The following ANKAR variants were observed in gnomAD, a reference collection of about 807,000 sequenced individuals.
The protein encoded by ANKAR is ankyrin and armadillo repeat-containing protein.
ANKAR carries 136 observed loss-of-function variants against 146.2 expected under a neutral mutation model. The ratio of observed to expected loss-of-function variants is 0.93; its 90% CI spans 0.81 to 1.07. The LOEUF is 1.07. ANKAR is among the 50% of genes least tolerant of loss of function. The pLI, the probability that ANKAR is intolerant of heterozygous loss-of-function variation, is 0.00. For synonymous variants in ANKAR, 500 were observed against 575.8 expected, an observed-to-expected ratio of 0.87 and a Z score of 1.88; for missense variants, 1,567 against 1,679.9, an observed-to-expected ratio of 0.93 and a Z score of 1.18.
intron 16 of ANKAR, among the ~76,000 whole-genome samples, chr2:189,731,531 G>C (rs1057232878): frequency 1.3e-5 from 2 of 151,546 alleles, no homozygotes. Flanking sequence ...GCATCACAAC[G>C]CTTGGCTAAT....
chr2:189,706,927 T>G lies in ANKAR; in HGVS notation c.1911-11T>G. Reference sequence around the variant, plus strand: ...TATGCGTGTTTAATTGTTATGTTTCTTAATTTTTAGGAATCAGTGCACTCC... The same window carrying G: ...TATGCGTGTTTAATTGTTATGTTTCGTAATTTTTAGGAATCAGTGCACTCC... On this transcript the variant is annotated splice_polypyrimidine_tract_variant and intron_variant, in intron 8 of 22. Coordinates refer to ENST00000684021, the MANE Select transcript of ANKAR (RefSeq NM_001378068.1). The G allele has an allele frequency of 1.3e-5, 20 of 1,593,898 alleles. No individual in the cohort carries two copies. Among genetic ancestry groups the G allele is most frequent in the Non-Finnish European group, 1.6e-5 (19 of 1,172,872 alleles).
chr2:189,732,788 T>G (rs964127956), intron 16 of ANKAR, among the ~76,000 whole-genome samples: 1 of 151,970 alleles, frequency 6.6e-6, no homozygotes, highest in Non-Finnish European at 1.5e-5. Flanking sequence ...TTTTTTAATA[T>G]GGAAGGGATA....
At chr2:189,693,683 G>A (rs2036767829) in intron 5 of ANKAR, among the ~76,000 whole-genome samples, 1 of 152,106 alleles carries the variant, frequency 6.6e-6, no homozygotes, top group African/African-American at 2.4e-5. Flanking sequence ...TAACTGAGGT[G>A]GGAGGATTGC....
chr2:189,704,970 T>G (rs1454527130), intron 7 of ANKAR, 53 bp from the exon 8 acceptor site: 1 of 1,558,480 alleles, frequency 6.4e-7, no homozygotes, highest in East Asian at 2.3e-5. Context: ...ATTTAGGTTT[T>G]TTTTAGGAAT....
intron 10 of ANKAR, among the ~76,000 whole-genome samples, chr2:189,718,041 C>A (rs1423609937): frequency 1.3e-5 from 2 of 152,020 alleles, no homozygotes; most frequent in African/African-American, 4.8e-5. Flanking sequence ...ACCTATGTAA[C>A]AAACCTGCAC....
chr2:189,710,933 G>A (rs2105709634), intron 9 of ANKAR, 116 bp from the exon 10 acceptor site: 3 of 754,526 alleles, frequency 4.0e-6, no homozygotes, highest in East Asian at 5.2e-5. Flanking sequence ...GCAGTTGGTG[G>A]TAATAGTGGT....
At chr2:189,710,984 GAATC>G in intron 9 of ANKAR, 61 bp from the exon 10 acceptor site, 4 of 1,374,148 alleles carry the variant, frequency 2.9e-6, no homozygotes, top group Non-Finnish European at 4.1e-6. Flanking sequence ...ACAAAAAACA[GAATC>G]AAGCATTTCA....
At chr2:189,690,283 A>C (rs1380192030) in intron 3 of ANKAR, among the ~76,000 whole-genome samples, 2 of 152,194 alleles carry the variant, frequency 1.3e-5, no homozygotes, top group African/African-American at 4.8e-5. Flanking sequence ...AAATTACTCT[A>C]TAAATTCAGT....
At chr2:189,743,557 G>A in intron 21 of ANKAR, 83 bp downstream of exon 21, 1 of 1,244,624 alleles carries the variant, frequency 8.0e-7, no homozygotes, top group Non-Finnish European at 1.1e-6. Flanking sequence ...CCAACAAGAG[G>A]AACTATTCTT....
At chr2:189,740,680 C>T (rs993914904) in intron 19 of ANKAR, among the ~76,000 whole-genome samples, 46 of 138,094 alleles carry the variant, frequency 3.3e-4, no homozygotes, top group African/African-American at 1.1e-3. Flanking sequence ...CCATTTCAAC[C>T]GCAAAAAGGA....
At chr2:189,735,645 A>C (rs1436402507) in intron 17 of ANKAR, among the ~76,000 whole-genome samples, 3 of 152,172 alleles carry the variant, frequency 2.0e-5, no homozygotes, top group East Asian at 1.9e-4. Context: ...TAAGTCAGGA[A>C]CCCAGGTTCT....
Position 189,677,092 on chromosome 2 carries a change from G to A in ANKAR, c.601+1G>A. 1 of 1,518,180 alleles carries A rather than the reference G, an allele frequency of 6.6e-7. No homozygotes were observed. Among genetic ancestry groups the A allele is most frequent in the Non-Finnish European group, 8.8e-7 (1 of 1,141,720 alleles). The allele number at this position is 1,518,180 out of a possible 1,614,324, so 94.0% of individuals were successfully genotyped here. On this transcript the variant is annotated splice_donor_variant, in intron 2 of 22. Transcript: ENST00000684021. LOFTEE classifies it high-confidence loss of function. ...ATTTTTTCAGAGTTTAGTTCAGCAGGTAAGAGAATTTAACACTTCTTAAAT... is the reference window on the plus strand; with the variant it reads ...ATTTTTTCAGAGTTTAGTTCAGCAGATAAGAGAATTTAACACTTCTTAAAT...
intron 18 of ANKAR, among the ~76,000 whole-genome samples, chr2:189,760,224 G>A (rs370400005): frequency 5.9e-5 from 9 of 151,850 alleles, no homozygotes; most frequent in East Asian, 5.8e-4. Context: ...TTTTCTATTC[G>A]ACAAAACCGC....
downstream of ANKAR, chr2:189,762,429 T>G (rs2047223609): frequency 3.9e-6 from 1 of 255,636 alleles, no homozygotes; most frequent in Non-Finnish European, 6.1e-6. Flanking sequence ...GCGACCTATT[T>G]GCAGAAGGCA....
rs75994584 is a variant in ANKAR, at chr2:189,679,652, G to A, written c.601+2561G>A. 6.7e-3 allele frequency among the ~76,000 whole-genome samples: 1,015 copies of A among 152,214 alleles called. 12 individuals carry two copies. Among genetic ancestry groups the A allele is most frequent in the African/African-American group, 0.024 (980 of 41,538 alleles). ...GGTATGTCCCTTCTATGGCCATTTC[G>A]TTGAGGGTTTTAATCATAAAGCAAT... On this transcript the variant is annotated intron_variant, in intron 2 of 22. Coordinates refer to ENST00000684021, the MANE Select transcript of ANKAR (RefSeq NM_001378068.1).
intron 5 of ANKAR, 149 bp downstream of exon 5, chr2:189,693,326 A>G (rs1207884743): frequency 1.7e-6 from 1 of 579,670 alleles, no homozygotes; most frequent in Non-Finnish European, 3.1e-6. Context: ...TATGGACTCA[A>G]CAAAATATTA....
At chr2:189,722,392 T>C (rs1227367933) in intron 12 of ANKAR, among the ~76,000 whole-genome samples, 1 of 151,694 alleles carries the variant, frequency 6.6e-6, no homozygotes, top group Non-Finnish European at 1.5e-5. Flanking sequence ...TTTATGTATA[T>C]TTTAAACATA....
At chr2:189,701,949 G>C (rs1283673413) in intron 7 of ANKAR, among the ~76,000 whole-genome samples, 2 of 152,040 alleles carry the variant, frequency 1.3e-5, no homozygotes, top group African/African-American at 4.8e-5. Context: ...GTAAGGTATG[G>C]GGGGAGAAGC....
chr2:189,755,705 G>T, intron 18 of ANKAR: 1 of 839,232 alleles, frequency 1.2e-6, no homozygotes, highest in Non-Finnish European at 1.7e-6. Context: ...TTCTAACATA[G>T]CACACTATGG....
Sources: allele counts gnomAD v4.1 joint callset (sites outside exome capture counted in the v4.1 genomes callset), GRCh38; gene constraint gnomAD v4.1.1; transcripts MANE v1.5; gene names NCBI Gene and HGNC (gene_info 2026-07-23, HGNC 2026-07-21).